Variants in CACNA2D3 observed in about 807,000 individuals in gnomAD.
CACNA2D3 encodes voltage-dependent calcium channel subunit alpha-2/delta-3.
A neutral mutation model predicts 160.6 loss-of-function variants in CACNA2D3; 60 were observed. The observed-to-expected ratio is 0.37, with a 90% CI of 0.30 to 0.46. The LOEUF is 0.46. Among genes scored for constraint, CACNA2D3 ranks in the 20% least tolerant of loss-of-function variants. The probability of loss-of-function intolerance (pLI) is 1.00; values close to 1 mark genes in which losing one functional copy is unlikely to be tolerated. For synonymous variants in CACNA2D3, 558 were observed against 492.9 expected (o/e 1.13, Z -1.75); for missense variants, 1,205 against 1,365.0 (o/e 0.88, Z 1.85).
At position 54,150,970 on chromosome 3, in the gene CACNA2D3, G is replaced by A. The variant is rs546374931; in HGVS notation, c.204+27376G>A. Reference sequence around the variant, plus strand: ...ATGGATGTAGGGTTGGATAATGGATGGATGGGTAAATGGATGGATGAGTGG... The same window carrying A: ...ATGGATGTAGGGTTGGATAATGGATAGATGGGTAAATGGATGGATGAGTGG... On this transcript the variant is annotated intron_variant, in intron 2 of 37. Transcript: ENST00000474759. Among the ~76,000 whole-genome samples the A allele has an allele frequency of 1.1e-4, 16 of 151,876 alleles. No homozygotes were observed. The South Asian group carries it at 3.1e-3, about 30-fold the overall frequency.
intron 29 of CACNA2D3, among the ~76,000 whole-genome samples, chr3:54,978,187 A>C (rs1361072170): frequency 6.6e-6 from 1 of 152,196 alleles, no homozygotes; most frequent in Non-Finnish European, 1.5e-5. Flanking sequence ...CCTGTGACAC[A>C]GAATGCCTTA....
At chr3:55,065,934 A>G (rs1019095620) in intron 35 of CACNA2D3, among the ~76,000 whole-genome samples, 25 of 152,206 alleles carry the variant, frequency 1.6e-4, no homozygotes, top group Admixed American at 1.6e-3. Context: ...ATCAATAATC[A>G]TAAGGAGAAA....
At chr3:54,507,845 A>G (rs1701396646) in intron 5 of CACNA2D3, among the ~76,000 whole-genome samples, 1 of 152,152 alleles carries the variant, frequency 6.6e-6, no homozygotes, top group African/African-American at 2.4e-5. Context: ...CGTTTTCCTC[A>G]TCCCTAAGCT....
At chr3:55,051,259 T>C (rs957906878) in intron 35 of CACNA2D3, among the ~76,000 whole-genome samples, 27 of 152,310 alleles carry the variant, frequency 1.8e-4, no homozygotes, top group Non-Finnish European at 3.7e-4. Flanking sequence ...TCTTTGATGA[T>C]GGTGATGTAC....
At chr3:54,478,454 A>C (rs964342165) in intron 4 of CACNA2D3, among the ~76,000 whole-genome samples, 4 of 151,560 alleles carry the variant, frequency 2.6e-5, no homozygotes, top group Non-Finnish European at 4.4e-5. Flanking sequence ...AACACGGTGA[A>C]ACCCTGTCTC....
chr3:54,998,091 A>T (rs1702898580), intron 31 of CACNA2D3, among the ~76,000 whole-genome samples: 1 of 151,264 alleles, frequency 6.6e-6, no homozygotes, highest in South Asian at 2.1e-4. Context: ...ATCAGAGATA[A>T]TGTCAACACT....
chr3:54,671,200 A>G (rs1700153895), intron 11 of CACNA2D3, among the ~76,000 whole-genome samples: 1 of 151,394 alleles, frequency 6.6e-6, no homozygotes, highest in Admixed American at 6.6e-5. Flanking sequence ...CTTTGTATCT[A>G]GTAGCTGGGG....
intron 27 of CACNA2D3, among the ~76,000 whole-genome samples, chr3:54,961,723 C>A (rs1264624108): frequency 6.6e-6 from 1 of 152,146 alleles, no homozygotes; most frequent in Non-Finnish European, 1.5e-5. Flanking sequence ...GGGTTCTGTA[C>A]CCTGACCTGT....
intron 13 of CACNA2D3, among the ~76,000 whole-genome samples, chr3:54,811,145 G>C (rs1194255144): frequency 1.3e-5 from 2 of 152,142 alleles, no homozygotes; most frequent in African/African-American, 4.8e-5. Context: ...CATATTTCCA[G>C]CTGCCTACCC....
At chr3:54,608,326 A>G (rs1409074091) in intron 9 of CACNA2D3, among the ~76,000 whole-genome samples, 1 of 152,188 alleles carries the variant, frequency 6.6e-6, no homozygotes, top group East Asian at 1.9e-4. Context: ...ATGTCAGTCT[A>G]TAATTATTTT....
intron 14 of CACNA2D3, among the ~76,000 whole-genome samples, chr3:54,832,021 AC>A (rs1408230989): frequency 2.2e-5 from 3 of 135,298 alleles, no homozygotes; most frequent in African/African-American, 9.6e-5. Context: ...TCACACACAC[AC>A]ACACACACAC....
At chr3:54,633,719 C>T (rs970487799) in intron 10 of CACNA2D3, 10 of 152,262 alleles carry the variant, frequency 6.6e-5, no homozygotes, top group African/African-American at 2.2e-4. Flanking sequence ...CTGGCTGTCT[C>T]AGTAGTACCT....
At chr3:54,527,369 C>A (rs1285757632) in intron 5 of CACNA2D3, among the ~76,000 whole-genome samples, 1 of 152,182 alleles carries the variant, frequency 6.6e-6, no homozygotes, top group East Asian at 1.9e-4. Context: ...CCAGCCTCCC[C>A]TGGGCACAAT....
chr3:54,318,753 G>A (rs1703924054), intron 2 of CACNA2D3, among the ~76,000 whole-genome samples: 1 of 147,962 alleles, frequency 6.8e-6, no homozygotes, highest in African/African-American at 2.5e-5. Flanking sequence ...GGAGTACAGT[G>A]GGATAATCAT....
intron 5 of CACNA2D3, among the ~76,000 whole-genome samples, chr3:54,521,939 T>C (rs141913166): frequency 3.3e-4 from 51 of 152,240 alleles, no homozygotes; most frequent in Non-Finnish European, 2.1e-4. Flanking sequence ...CTGATTCTTA[T>C]TATTTTGTAG....
intron 11 of CACNA2D3, among the ~76,000 whole-genome samples, chr3:54,680,882 G>A (rs1318056218): frequency 2.6e-5 from 4 of 152,168 alleles, no homozygotes; most frequent in African/African-American, 9.7e-5. Context: ...ATTCTCCAGG[G>A]GTAGACTGAG....
At chr3:54,956,020 G>A (rs182611648) in intron 27 of CACNA2D3, among the ~76,000 whole-genome samples, 31 of 152,306 alleles carry the variant, frequency 2.0e-4, no homozygotes, top group Admixed American at 7.2e-4. Flanking sequence ...AAAAAAGTGC[G>A]TGATTACTCC....
chr3:54,642,296 A>C (rs985195157), intron 11 of CACNA2D3, 55 bp downstream of exon 11: 3 of 1,004,226 alleles, frequency 3.0e-6, no homozygotes, highest in African/African-American at 3.3e-5. Context: ...TCTTTACTGT[A>C]ATCTCCAGCT....
intron 35 of CACNA2D3, among the ~76,000 whole-genome samples, chr3:55,055,635 G>T (rs1704342197): frequency 6.6e-6 from 1 of 151,982 alleles, no homozygotes; most frequent in South Asian, 2.1e-4. Flanking sequence ...GATCAGTTTG[G>T]GTTGGATGGA....
Sources: gnomAD v4.1 joint callset for allele counts (sites outside exome capture counted in the v4.1 genomes callset) on GRCh38, gnomAD v4.1.1 for gene constraint, MANE v1.5 for transcripts, NCBI Gene and HGNC (gene_info 2026-07-23, HGNC 2026-07-21) for gene names.